EIF3A: variants seen among roughly 807,000 people sequenced by gnomAD.
EIF3A encodes the protein EIF3, p180 subunit.
In EIF3A, 21 loss-of-function variants were observed where a neutral mutation model predicts 186.6. The observed-to-expected ratio is 0.11, with a 90% CI of 0.08 to 0.16. The LOEUF is 0.16. Among genes scored for constraint, EIF3A ranks in the 10% least tolerant of loss-of-function variants. EIF3A has a pLI of 1.00. For missense variants in EIF3A, 1,306 were observed against 1,796.3 expected (o/e 0.73, Z 4.93); for synonymous variants, 563 against 584.3 (o/e 0.96, Z 0.52).
intron 6 of EIF3A, among the ~76,000 whole-genome samples, chr10:119,069,069 C>T (rs1445927615): frequency 1.3e-5 from 2 of 151,978 alleles, no homozygotes; most frequent in Non-Finnish European, 2.9e-5. Flanking sequence ...ATAGAAAGCT[C>T]ATCCGTTAAA....
In EIF3A at chr10:119,072,916, C is replaced by T. The variant is rs942122392; in HGVS notation, c.515G>A (p.Arg172His). The change falls in exon 4 of 22, where the codon CGC (arginine) becomes CAC (histidine). Residue 172 changes from arginine (R) to histidine (H), a missense_variant. Transcript: ENST00000369144. Reference protein sequence around the residue: ...DLLRNNSRVERLYHDIAQQAF... With the variant: ...DLLRNNSRVEHLYHDIAQQAF... ...TTGCTGGGCAATATCATGGTACAGGCGCTCTACTCTAGAATTGTTTCTAAG... is the reference window on the plus strand; with the variant it reads ...TTGCTGGGCAATATCATGGTACAGGTGCTCTACTCTAGAATTGTTTCTAAG... 10 of 1,613,766 alleles carry T rather than the reference C, an allele frequency of 6.2e-6. No homozygotes were observed. Among genetic ancestry groups the T allele is most frequent in the Non-Finnish European group, 8.5e-6 (10 of 1,179,928 alleles).
chr10:119,060,053 A>C lies in EIF3A; in HGVS notation c.1327-335T>G, dbSNP rs543271090. 126 of 518,168 alleles carry C rather than the reference A, an allele frequency of 2.4e-4. 1 individual carries two copies. The highest frequency in any genetic ancestry group is 4.2e-4 in the Non-Finnish European group (111 of 263,818). 32.1% of individuals were successfully genotyped at this position (518,168 alleles called of 1,614,324 possible). A position where few individuals can be genotyped will look rare whatever the true frequency, so the allele number is the denominator to read the frequency against. On this transcript the variant is annotated intron_variant, in intron 9 of 21. Coordinates refer to ENST00000369144, the MANE Select transcript of EIF3A (RefSeq NM_003750.4). ...TGGCAGCATTACTATTTATAGTTAT[A>C]CTGCTAATTAGCCTTCAATTATTTG...
In EIF3A at chr10:119,042,031, G is replaced by A. The variant is rs1488087612; in HGVS notation, c.3489C>T (p.Asp1163=). ...DDDRFPRRGD[D]SRPGPWRPLV... ...ATGGTCTCCAAGGACCAGGTCTTGA[G>A]TCATCACCCCGTCTGGGAAACCGAT... Residue 1163 remains aspartate (D), a synonymous_variant, in exon 19 of 22, where the codon GAC becomes GAT. Coordinates refer to ENST00000369144, the MANE Select transcript of EIF3A (RefSeq NM_003750.4). The surrounding 1 kb of genome is among the most constrained non-coding windows in gnomAD (Gnocchi z 7.8). The A allele has an allele frequency of 1.2e-6, 2 of 1,614,098 alleles. No homozygotes were observed. The highest frequency in any genetic ancestry group is 1.7e-5 in the Admixed American group (1 of 60,004).
At chr10:119,044,031 T>C in intron 18 of EIF3A, 23 bp downstream of exon 18, 3 of 1,552,058 alleles carry the variant, frequency 1.9e-6, no homozygotes, top group Non-Finnish European at 2.7e-6. Context: ...TGGAGCGGCA[T>C]TATTTTCCTC....
chr10:119,050,493 C>T, intron 16 of EIF3A, 28 bp downstream of exon 16: 1 of 1,600,694 alleles, frequency 6.2e-7, no homozygotes, highest in South Asian at 1.1e-5. Context: ...TGCATTAGCA[C>T]CCCTCCAATC....
rs1488748003 is a variant in EIF3A, at chr10:119,075,474, T to G, written c.50-1537A>C. ...ATTTTCTTTTGTACACTTAATAGACTGGGGGAGAAAGAGGTTATTTAACCT... is the reference window on the plus strand; with the variant it reads ...ATTTTCTTTTGTACACTTAATAGACGGGGGGAGAAAGAGGTTATTTAACCT... On this transcript the variant is annotated intron_variant, in intron 1 of 21. Transcript: ENST00000369144. Among the ~76,000 whole-genome samples the G allele has an allele frequency of 2.0e-5, 3 of 151,602 alleles. No homozygotes were observed. The East Asian group carries it at 5.8e-4, about 29-fold the overall frequency.
chr10:119,073,455 A>C lies in EIF3A; in HGVS notation c.363T>G (p.Ile121Met). 2 of 1,606,522 alleles carry C rather than the reference A, an allele frequency of 1.2e-6. No individual in the cohort carries two copies. Among genetic ancestry groups the C allele is most frequent in the Non-Finnish European group, 1.7e-6 (2 of 1,174,542 alleles). Residue 121 changes from isoleucine to methionine, a missense_variant, in exon 3 of 22, where the codon ATT becomes ATG. This residue lies in a region of EIF3A where 130 missense variants were observed against 259.3 expected (regional missense o/e 0.50). Coordinates refer to ENST00000369144, the MANE Select transcript of EIF3A (RefSeq NM_003750.4). The part of the protein sequence containing the change: ...MVLDIEDLDN[I>M]QTPESVLLSA... ...AACCCACATACCTCTCAGGAGTTTG[A>C]ATATTATCTAGATCCTCTATATCTA... is the stretch of plus-strand genomic sequence containing the variant.
At chr10:119,045,854 A>C (rs1278712191) in intron 17 of EIF3A, among the ~76,000 whole-genome samples, 1 of 152,196 alleles carries the variant, frequency 6.6e-6, no homozygotes, top group Non-Finnish European at 1.5e-5. Context: ...GGCGTGAACC[A>C]ATGTGCCCGG....
chr10:119,080,541 C>T (rs1374180254), intron 1 of EIF3A, 87 bp downstream of exon 1: 10 of 1,456,718 alleles, frequency 6.9e-6, no homozygotes, highest in Non-Finnish European at 9.0e-6. Context: ...GCGGGCCGGG[C>T]GGCGGAGCAG....
At position 119,043,868 on chromosome 10, in the gene EIF3A, G is replaced by A. The variant is rs376314541; in HGVS notation, c.2747+186C>T. The stretch of plus-strand genomic sequence containing the variant: ...AGAGGTTGCAGGGAGCCGAGATAGC[G>A]CCACTGCACCCCAGCCTGGGCAGCA... On this transcript the variant is annotated intron_variant, in intron 18 of 21. Transcript: ENST00000369144. 5.0e-4 allele frequency among the ~76,000 whole-genome samples: 76 copies of A among 152,204 alleles called. 1 individual carries two copies. Among genetic ancestry groups the A allele is most frequent in the East Asian group, 3.5e-3 (18 of 5,180 alleles).
intron 1 of EIF3A, among the ~76,000 whole-genome samples, chr10:119,077,434 G>A (rs1013134136): frequency 1.8e-4 from 27 of 151,868 alleles, no homozygotes; most frequent in Non-Finnish European, 8.8e-5. Flanking sequence ...CTGGCCAACA[G>A]AGAGAGATTC....
At chr10:119,036,360 T>C (rs1184560555) in intron 21 of EIF3A, 92 bp from the exon 22 acceptor site, 1 of 760,448 alleles carries the variant, frequency 1.3e-6, no homozygotes, top group Non-Finnish European at 2.1e-6. Context: ...GATTGTTAAA[T>C]ACAGAAATCA....
chr10:119,059,165 G>C (rs1041295950), intron 11 of EIF3A, 47 bp downstream of exon 11: 3 of 1,494,160 alleles, frequency 2.0e-6, no homozygotes, highest in Non-Finnish European at 2.8e-6. Flanking sequence ...ATGGCGTTAA[G>C]AGTCCCTCAA....
At chr10:119,066,387 T>C (rs1226841994) in intron 6 of EIF3A, among the ~76,000 whole-genome samples, 1 of 150,380 alleles carries the variant, frequency 6.6e-6, no homozygotes, top group Non-Finnish European at 1.5e-5. Context: ...CAGGCGCCTG[T>C]AATCCCAGCT....
chr10:119,054,173 G>A (rs927711919), intron 14 of EIF3A, among the ~76,000 whole-genome samples: 5 of 151,852 alleles, frequency 3.3e-5, no homozygotes, highest in East Asian at 2.0e-4. Context: ...TGCCCTCCTC[G>A]GCCTCCCAAA....
At chr10:119,066,505 C>CAAAAAAAAAAAAAAAAAAAAAA (rs71016533) in intron 6 of EIF3A, among the ~76,000 whole-genome samples, 1 of 47,466 alleles carries the variant, frequency 2.1e-5, no homozygotes, top group Non-Finnish European at 3.4e-5. Context: ...TTAAGACTGT[C>CAAAAAAAAAAAAAAAAAAAAAA]AAAAAAAAAA....
rs200185337 is a variant in EIF3A at position 119,073,698 on chromosome 10, G to A, written c.240+49C>T. 2.0e-5 allele frequency: 31 copies of A among 1,562,528 alleles called. No individual in the cohort carries two copies. The African/African-American group carries it at 3.9e-4, about 19-fold the overall frequency. On this transcript the variant is annotated intron_variant, in intron 2 of 21. Coordinates refer to ENST00000369144, the MANE Select transcript of EIF3A (RefSeq NM_003750.4). ...ACTTCGAAAGGTAAGTTCTTCGGCA[G>A]ATTACTAAAAACACTTGTTAAAAAT...
chr10:119,039,720 G>C (rs760329458), intron 19 of EIF3A, among the ~76,000 whole-genome samples: 1 of 152,124 alleles, frequency 6.6e-6, no homozygotes, highest in Non-Finnish European at 1.5e-5. Context: ...AGGTGGCTAT[G>C]ATATGCCTTA....
intron 19 of EIF3A, among the ~76,000 whole-genome samples, chr10:119,041,005 CAAAAAAAA>C (rs34452005): frequency 2.7e-4 from 21 of 78,712 alleles, no homozygotes; most frequent in South Asian, 2.3e-3. Flanking sequence ...ACTCCGTCTC[CAAAAAAAA>C]AAAAAAAAAA....
Sources: gnomAD v4.1 joint callset for allele counts (sites outside exome capture counted in the v4.1 genomes callset) on GRCh38, gnomAD v4.1.1 for gene constraint, gnomAD v4.1.1 regional missense constraint, Gnocchi (gnomAD v3.1) non-coding constraint, MANE v1.5 for transcripts, NCBI Gene and HGNC (gene_info 2026-07-23, HGNC 2026-07-21) for gene names.